NOS1: variants seen among roughly 807,000 people sequenced by gnomAD.
The protein encoded by NOS1 is NOS type I.
In NOS1, 51 loss-of-function variants were observed where a neutral mutation model predicts 164.5. The observed-to-expected ratio is 0.31, with a 90% CI of 0.25 to 0.39. The LOEUF (loss-of-function observed/expected upper bound fraction) is 0.39. NOS1 is among the 10% of genes least tolerant of loss of function. The pLI is 1.00. For synonymous variants in NOS1, 719 were observed against 745.8 expected, an observed-to-expected ratio of 0.96 and a Z score of 0.59; for missense variants, 1,362 against 1,885.6, an observed-to-expected ratio of 0.72 and a Z score of 5.14.
intron 20 of NOS1, among the ~76,000 whole-genome samples, chr12:117,236,029 C>A (rs776177815): frequency 1.3e-5 from 2 of 152,036 alleles, no homozygotes; most frequent in African/African-American, 4.8e-5. Context: ...GGCAACAGAG[C>A]GAAACTACAT....
At position 117,290,392 on chromosome 12, in the gene NOS1, T is replaced by G; in HGVS notation, c.887A>C (p.Asn296Thr). ...PTSGKQSPTK[N>T]GSPSKCPRFL... ...GCGTGGACACTTGGAGGGGCTGCCA[T>G]TCTTTGTGGGGGACTGTTTTCCTGA... Residue 296 changes from asparagine (N) to threonine (T), a missense_variant, in exon 4 of 29, where the codon AAT becomes ACT. Asn to Thr is a moderately conservative substitution (Grantham distance 65). This residue lies in a region of NOS1 where 362 missense variants were observed against 402.0 expected (regional missense o/e 0.90). Coordinates refer to ENST00000317775, the MANE Select transcript of NOS1 (RefSeq NM_000620.5). 6.2e-7 allele frequency: 1 copy of G among 1,613,742 alleles called. No homozygotes were observed. Among genetic ancestry groups the G allele is most frequent in the Non-Finnish European group, 8.5e-7 (1 of 1,179,824 alleles).
At chr12:117,304,887 C>T in intron 3 of NOS1, 1 of 455,956 alleles carries the variant, frequency 2.2e-6, no homozygotes, top group Non-Finnish European at 2.9e-6. Flanking sequence ...CCCAAGGGGT[C>T]AGACCTCACT....
intron 17 of NOS1, among the ~76,000 whole-genome samples, chr12:117,253,021 G>A (rs774705657): frequency 1.1e-4 from 16 of 152,100 alleles, no homozygotes; most frequent in Admixed American, 4.6e-4. Flanking sequence ...ATCTGCCCAC[G>A]TGCTTCCTAA....
intron 1 of NOS1, among the ~76,000 whole-genome samples, chr12:117,332,697 T>C (rs572828825): frequency 6.6e-6 from 1 of 152,246 alleles, no homozygotes; most frequent in Non-Finnish European, 1.5e-5. Flanking sequence ...AAACTTCGTC[T>C]CTACTAAAAA....
chr12:117,208,164 T>C lies in NOS1; in HGVS notation c.*7145A>G. Reference sequence around the variant, plus strand: ...AAGTTGAATCCACTTTTTAATATTGTAACCATAATGCAAACAAGCATAATA... The same window carrying C: ...AAGTTGAATCCACTTTTTAATATTGCAACCATAATGCAAACAAGCATAATA... On this transcript the variant is annotated 3_prime_UTR_variant, in exon 29 of 29. Transcript: ENST00000317775. 1 of 827,130 alleles carries C rather than the reference T, an allele frequency of 1.2e-6. No homozygotes were observed. The highest frequency in any genetic ancestry group is 1.7e-5 in the South Asian group (1 of 57,434). 51.2% of individuals were successfully genotyped at this position (827,130 alleles called of 1,614,324 possible). A position where few individuals can be genotyped will look rare whatever the true frequency, so the allele number is the denominator to read the frequency against.
intron 3 of NOS1, among the ~76,000 whole-genome samples, chr12:117,306,097 C>T (rs1874131640): frequency 6.6e-6 from 1 of 151,934 alleles, no homozygotes; most frequent in Non-Finnish European, 1.5e-5. Context: ...TGGCCTGGCC[C>T]GTGGTTTTAA....
chr12:117,224,423 C>G (rs1868467945), intron 25 of NOS1, among the ~76,000 whole-genome samples: 1 of 152,090 alleles, frequency 6.6e-6, no homozygotes, highest in Non-Finnish European at 1.5e-5. Flanking sequence ...GCAGCTGGGA[C>G]TACATGTGCC....
chr12:117,281,745 G>A (rs992917696), intron 7 of NOS1, among the ~76,000 whole-genome samples: 7 of 148,916 alleles, frequency 4.7e-5, no homozygotes, highest in South Asian at 2.1e-4. Flanking sequence ...GAGGAGAATC[G>A]CTTGAACTCG....
rs754390287 is a variant in NOS1 at position 117,225,154 on chromosome 12, G to A, written c.3705-17C>T. On this transcript the variant is annotated splice_polypyrimidine_tract_variant and intron_variant, in intron 24 of 28. Coordinates refer to ENST00000317775, the MANE Select transcript of NOS1 (RefSeq NM_000620.5). ...CTGGGTGCTCTGGGCAAGGAAGAGG[G>A]GGTCAGAAGTCTTGCAGAGCTCAAA... 1.2e-6 allele frequency: 2 copies of A among 1,602,724 alleles called. No homozygotes were observed. Among genetic ancestry groups the A allele is most frequent in the African/African-American group, 2.7e-5 (2 of 74,646 alleles).
chr12:117,294,242 G>A (rs576770829), intron 3 of NOS1, among the ~76,000 whole-genome samples: 1 of 152,260 alleles, frequency 6.6e-6, no homozygotes, highest in African/African-American at 2.4e-5. Flanking sequence ...GATGACATCG[G>A]GTCTGGGCCC....
chr12:117,220,323 A>G, intron 26 of NOS1, 54 bp from the exon 27 acceptor site: 5 of 1,516,828 alleles, frequency 3.3e-6, no homozygotes, highest in Non-Finnish European at 4.4e-6. Flanking sequence ...CGTGCCTGCC[A>G]TAGCCCATGT....
intron 1 of NOS1, among the ~76,000 whole-genome samples, chr12:117,350,455 T>C (rs1435218905): frequency 1.3e-5 from 2 of 152,242 alleles, no homozygotes; most frequent in Admixed American, 1.3e-4. Context: ...GCAGGCTAAG[T>C]TGCAATGCCC....
Position 117,214,504 on chromosome 12 carries a change from A to AT in NOS1, c.*804dup. ...TTTGGGGAGGGGATTTGCACAATCC[A>AT]TTGGATGGGTTCATGTCACATGAGG... On this transcript the variant is annotated 3_prime_UTR_variant, in exon 29 of 29. Transcript: ENST00000317775. 1.0e-6 allele frequency: 1 copy of AT among 985,394 alleles called. No individual in the cohort carries two copies. Among genetic ancestry groups the AT allele is most frequent in the Non-Finnish European group, 1.2e-6 (1 of 829,936 alleles). The allele number at this position is 985,394 out of a possible 1,614,324, so 61.0% of individuals were successfully genotyped here. A position where few individuals can be genotyped will look rare whatever the true frequency, so the allele number is the denominator to read the frequency against.
At chr12:117,242,594 C>T (rs1056142347) in intron 20 of NOS1, 33 bp downstream of exon 20, 20 of 1,570,790 alleles carry the variant, frequency 1.3e-5, no homozygotes, top group Admixed American at 6.7e-5. Flanking sequence ...TGGGAGAAGA[C>T]GTAGGTAACC....
chr12:117,346,016 G>A (rs1229868998), intron 1 of NOS1, among the ~76,000 whole-genome samples: 3 of 152,268 alleles, frequency 2.0e-5, no homozygotes, highest in African/African-American at 7.2e-5. Flanking sequence ...TAGAGAACTG[G>A]AGGGCCCATG....
rs1566075775 is a variant in NOS1 at position 117,322,681 on chromosome 12, T to TTC, written c.725+7663_725+7664insGA. 7.2e-5 allele frequency among the ~76,000 whole-genome samples: 8 copies of TTC among 110,852 alleles called. No homozygotes were observed. In the East Asian group the frequency reaches 1.6e-3, roughly 22 times the overall value. The allele number at this position is 110,852 out of a possible 152,430, so 72.7% of individuals were successfully genotyped here. ...TCCCTCCTTCCGTCCCTGCTTCCTT[T>TTC]CTTCCTTCCTTCCTTCCCTCCTTCT... On this transcript the variant is annotated intron_variant, in intron 2 of 28. Transcript: ENST00000317775.
chr12:117,211,464 T>C lies in NOS1; in HGVS notation c.*3845A>G, dbSNP rs1956527352. The stretch of plus-strand genomic sequence containing the variant: ...CTTTCTTTTCCAAGTATAACTCCAA[T>C]CGCCTTAATGTCCCTTTTTGAAAAA... On this transcript the variant is annotated 3_prime_UTR_variant, in exon 29 of 29. Coordinates refer to ENST00000317775, the MANE Select transcript of NOS1 (RefSeq NM_000620.5). The C allele has an allele frequency of 1.0e-6, 1 of 984,732 alleles. No individual in the cohort carries two copies. Among genetic ancestry groups the C allele is most frequent in the Non-Finnish European group, 1.2e-6 (1 of 829,504 alleles). 61.0% of individuals were successfully genotyped at this position (984,732 alleles called of 1,614,324 possible).
intron 20 of NOS1, among the ~76,000 whole-genome samples, chr12:117,239,721 T>C (rs1331496770): frequency 6.6e-6 from 1 of 152,096 alleles, no homozygotes; most frequent in Non-Finnish European, 1.5e-5. Flanking sequence ...CTTTTTTTTT[T>C]TTATAAGCCT....
At chr12:117,255,590 GTGGGAGGAA>G (rs766285645) in intron 16 of NOS1, among the ~76,000 whole-genome samples, 13 of 152,212 alleles carry the variant, frequency 8.5e-5, no homozygotes, top group Admixed American at 2.0e-4. Flanking sequence ...TGTTGTTAGT[GTGGGAGGAA>G]TGGTTGATGG....
Sources: gnomAD v4.1 joint callset for allele counts (sites outside exome capture counted in the v4.1 genomes callset) on GRCh38, gnomAD v4.1.1 for gene constraint, gnomAD v4.1.1 regional missense constraint, MANE v1.5 for transcripts, NCBI Gene and HGNC (gene_info 2026-07-23, HGNC 2026-07-21) for gene names.